C12orf60: variants seen among roughly 807,000 people sequenced by gnomAD.
The protein encoded by C12orf60 is chromosome 12 open reading frame 60.
For missense variants in C12orf60, 284 were observed against 283.2 expected (o/e 1.00, Z -0.02); for synonymous variants, 102 against 94.6 (o/e 1.08, Z -0.45).
chr12:14,822,527 T>G (rs552796529), intron 1 of C12orf60, among the ~76,000 whole-genome samples: 1 of 152,314 alleles, frequency 6.6e-6, no homozygotes, highest in Non-Finnish European at 1.5e-5. Context: ...AGATGGAGTG[T>G]GCTTAGTCTA....
At chr12:14,813,598 A>C (rs1950173667) in intron 1 of C12orf60, among the ~76,000 whole-genome samples, 1 of 152,180 alleles carries the variant, frequency 6.6e-6, no homozygotes, top group Non-Finnish European at 1.5e-5. Context: ...TGAAAACGAC[A>C]ATGTTCCTTG....
At chr12:14,807,448 A>T (rs955320466) in intron 1 of C12orf60, among the ~76,000 whole-genome samples, 1 of 152,324 alleles carries the variant, frequency 6.6e-6, no homozygotes, top group Middle Eastern at 3.4e-3. Flanking sequence ...TTTGGAGTTA[A>T]ACTCTAGTCA....
intron 1 of C12orf60, among the ~76,000 whole-genome samples, chr12:14,816,095 T>C (rs925187604): frequency 2.6e-5 from 4 of 152,174 alleles, no homozygotes; most frequent in Non-Finnish European, 5.9e-5. Flanking sequence ...AGTATTAACG[T>C]CAAGTCAATA....
At chr12:14,822,778 T>A in intron 1 of C12orf60, 134 bp from the exon 2 acceptor site, 1 of 651,654 alleles carries the variant, frequency 1.5e-6, no homozygotes, top group South Asian at 2.7e-5. Context: ...AGTACCATTT[T>A]TGTTTCAACG....
At chr12:14,806,246 A>C (rs1220093261) in intron 1 of C12orf60, 1 of 1,614,246 alleles carries the variant, frequency 6.2e-7, no homozygotes, top group Admixed American at 1.7e-5. Context: ...CCAACTTGTT[A>C]ATTATGCCAG....
At chr12:14,813,102 A>T (rs1350525572) in intron 1 of C12orf60, among the ~76,000 whole-genome samples, 1 of 152,178 alleles carries the variant, frequency 6.6e-6, no homozygotes, top group Non-Finnish European at 1.5e-5. Flanking sequence ...TTTAAAGCTG[A>T]GTTATGGGTA....
At chr12:14,817,717 A>G (rs1950242730) in intron 1 of C12orf60, among the ~76,000 whole-genome samples, 1 of 152,062 alleles carries the variant, frequency 6.6e-6, no homozygotes, top group Non-Finnish European at 1.5e-5. Flanking sequence ...CATTTTCTTT[A>G]TGCAGTCTAT....
chr12:14,806,239 A>G, intron 1 of C12orf60: 4 of 1,614,146 alleles, frequency 2.5e-6, no homozygotes, highest in Non-Finnish European at 3.4e-6. Context: ...ACAGTGACCA[A>G]CTTGTTAATT....
chr12:14,806,802 G>A, intron 1 of C12orf60: 1 of 1,018,068 alleles, frequency 9.8e-7, no homozygotes. Flanking sequence ...AAAGAAGCAA[G>A]ATGCTGTCTA....
At chr12:14,811,463 T>A (rs1428610437) in intron 1 of C12orf60, among the ~76,000 whole-genome samples, 1 of 152,182 alleles carries the variant, frequency 6.6e-6, no homozygotes, top group African/African-American at 2.4e-5. Context: ...GACTTGTTAT[T>A]TTATTAAAAA....
At chr12:14,814,874 G>A (rs1950193190) in intron 1 of C12orf60, among the ~76,000 whole-genome samples, 1 of 152,186 alleles carries the variant, frequency 6.6e-6, no homozygotes, top group Non-Finnish European at 1.5e-5. Context: ...GTGAAAGACA[G>A]CAGGCTTTAC....
intron 1 of C12orf60, among the ~76,000 whole-genome samples, chr12:14,818,138 G>C (rs1950251790): frequency 1.3e-5 from 2 of 152,116 alleles, no homozygotes; most frequent in South Asian, 4.1e-4. Context: ...CTTCTTTTGA[G>C]AACTGTCTGT....
chr12:14,806,040 G>T, intron 1 of C12orf60: 1 of 1,614,080 alleles, frequency 6.2e-7, no homozygotes, highest in Non-Finnish European at 8.5e-7. Context: ...GATGACCTCA[G>T]TAATGGCATG....
At chr12:14,804,545 G>A (rs1035797462) in intron 1 of C12orf60, 1 of 152,178 alleles carries the variant, frequency 6.6e-6, no homozygotes, top group African/African-American at 2.4e-5. Flanking sequence ...GGAAATTCTT[G>A]ATTTGATTTT....
At chr12:14,812,065 A>T (rs542487264) in intron 1 of C12orf60, among the ~76,000 whole-genome samples, 1 of 152,356 alleles carries the variant, frequency 6.6e-6, no homozygotes, top group African/African-American at 2.4e-5. Flanking sequence ...ATTTGTTTAT[A>T]TGCATAAGTA....
intron 1 of C12orf60, among the ~76,000 whole-genome samples, chr12:14,812,781 G>A (rs1467070656): frequency 2.0e-5 from 3 of 151,978 alleles, no homozygotes; most frequent in Non-Finnish European, 4.4e-5. Context: ...TTAGATTCAG[G>A]AGGTACATAC....
In C12orf60 at chr12:14,823,847, ATAAT is replaced by A. The variant is rs993284332; in HGVS notation, c.*178_*181del. 8 of 492,034 alleles carry A rather than the reference ATAAT, an allele frequency of 1.6e-5. No homozygotes were observed. Among genetic ancestry groups the A allele is most frequent in the Non-Finnish European group, 2.7e-5 (8 of 291,892 alleles). 30.5% of individuals were successfully genotyped at this position (492,034 alleles called of 1,614,324 possible). On this transcript the variant is annotated 3_prime_UTR_variant, in exon 2 of 2. Coordinates refer to ENST00000330828, the MANE Select transcript of C12orf60 (RefSeq NM_175874.4). ...TTTTGCTTTATTAAAATAAAAAGAA[ATAAT>A]TAAGAAAGCCTGTTTGAAATGTCAG...
chr12:14,818,230 G>A (rs943213506), intron 1 of C12orf60, among the ~76,000 whole-genome samples: 1 of 152,184 alleles, frequency 6.6e-6, no homozygotes, highest in African/African-American at 2.4e-5. Context: ...CCTTTATCAT[G>A]TAGGTAGATT....
chr12:14,823,689 G>A lies in C12orf60; in HGVS notation c.*16G>A, dbSNP rs1216366141. 1.3e-6 allele frequency: 2 copies of A among 1,519,532 alleles called. No individual in the cohort carries two copies. The highest frequency in any genetic ancestry group is 2.8e-5 in the African/African-American group (2 of 71,682). 94.1% of individuals were successfully genotyped at this position (1,519,532 alleles called of 1,614,324 possible). A position where few individuals can be genotyped will look rare whatever the true frequency, so the allele number is the denominator to read the frequency against. On this transcript the variant is annotated 3_prime_UTR_variant, in exon 2 of 2. Coordinates refer to ENST00000330828, the MANE Select transcript of C12orf60 (RefSeq NM_175874.4). Reference sequence around the variant, plus strand: ...TGACAAGTAGGGATGCAACAGAAATGTTCATTTCTGTCAGAAAACTACTTA... The same window carrying A: ...TGACAAGTAGGGATGCAACAGAAATATTCATTTCTGTCAGAAAACTACTTA...
Sources: allele counts gnomAD v4.1 joint callset (sites outside exome capture counted in the v4.1 genomes callset), GRCh38; gene constraint gnomAD v4.1.1; transcripts MANE v1.5; gene names NCBI Gene and HGNC (gene_info 2026-07-23, HGNC 2026-07-21).